Variants in TEAD1 observed in about 807,000 individuals in gnomAD.
TEAD1 encodes the protein TEA domain transcription factor 1, also known as transcriptional enhancer factor TEF-1.
A neutral mutation model predicts 54.9 loss-of-function variants in TEAD1; 9 were observed. That is an observed-to-expected ratio of 0.16 (90% CI 0.10 to 0.29). The LOEUF (loss-of-function observed/expected upper bound fraction) is 0.29. Among genes scored for constraint, TEAD1 ranks in the 10% least tolerant of loss-of-function variants. TEAD1 has a pLI of 1.00. For missense variants in TEAD1, 387 were observed against 535.9 expected, an observed-to-expected ratio of 0.72 and a Z score of 2.74; for synonymous variants, 200 against 187.8, an observed-to-expected ratio of 1.07 and a Z score of -0.53.
intron 2 of TEAD1, among the ~76,000 whole-genome samples, chr11:12,728,149 G>A (rs973577221): frequency 6.6e-6 from 1 of 152,144 alleles, no homozygotes; most frequent in Admixed American, 6.5e-5. Context: ...GACCTGAATA[G>A]TGTTCCTAAC....
intron 2 of TEAD1, among the ~76,000 whole-genome samples, chr11:12,739,234 A>G (rs962441425): frequency 2.6e-5 from 4 of 151,010 alleles, no homozygotes; most frequent in African/African-American, 4.9e-5. Flanking sequence ...CTATCTATCT[A>G]TCTATCTATC....
intron 2 of TEAD1, among the ~76,000 whole-genome samples, chr11:12,693,769 G>A (rs1046140060): frequency 1.3e-5 from 2 of 152,176 alleles, no homozygotes; most frequent in Non-Finnish European, 2.9e-5. Context: ...TGAATCTTAG[G>A]GTCAGAAACA....
intron 2 of TEAD1, among the ~76,000 whole-genome samples, chr11:12,684,472 CCTT>C (rs1482650330): frequency 6.6e-6 from 1 of 152,194 alleles, no homozygotes; most frequent in African/African-American, 2.4e-5. Flanking sequence ...GGGTCTTCGG[CCTT>C]CTTGTAAAAC....
chr11:12,938,565 A>G lies in TEAD1; in HGVS notation c.*1343A>G, dbSNP rs1949130663. 6.6e-6 allele frequency: 1 copy of G among 152,266 alleles called. No individual in the cohort carries two copies. Among genetic ancestry groups the G allele is most frequent in the South Asian group, 2.1e-4 (1 of 4,832 alleles). 9.4% of individuals were successfully genotyped at this position (152,266 alleles called of 1,614,324 possible). ...ACTTAGATACATCCTCTTGAAGCAC[A>G]TCCATTTCTTTAGCGTCTCTCAGTA... On this transcript the variant is annotated 3_prime_UTR_variant, in exon 13 of 13. Transcript: ENST00000527636.
rs1374976102 is a variant in TEAD1, at chr11:12,939,365, C to T, written c.*2143C>T. The T allele has an allele frequency of 6.6e-6, 1 of 152,290 alleles. No individual in the cohort carries two copies. Among genetic ancestry groups the T allele is most frequent in the Non-Finnish European group, 1.5e-5 (1 of 68,112 alleles). 9.4% of individuals were successfully genotyped at this position (152,290 alleles called of 1,614,324 possible). A position where few individuals can be genotyped will look rare whatever the true frequency, so the allele number is the denominator to read the frequency against. On this transcript the variant is annotated 3_prime_UTR_variant, in exon 13 of 13. Coordinates refer to ENST00000527636, the MANE Select transcript of TEAD1 (RefSeq NM_021961.6). ...TCCTTAAGGGAAGCCCCATCCTCTCCCAGGACCAGGAGTTTATGACCAGGC... is the reference window on the plus strand; with the variant it reads ...TCCTTAAGGGAAGCCCCATCCTCTCTCAGGACCAGGAGTTTATGACCAGGC...
At chr11:12,921,337 G>T (rs1367464216) in intron 10 of TEAD1, 1 of 152,126 alleles carries the variant, frequency 6.6e-6, no homozygotes, top group Admixed American at 6.5e-5. Flanking sequence ...GGGAGTTCGA[G>T]ACCAGCCTGA....
rs1217722701 is a variant in TEAD1, at chr11:12,940,245, C to T, written c.*3023C>T. The T allele has an allele frequency of 1.3e-5, 2 of 152,244 alleles. No homozygotes were observed. The highest frequency in any genetic ancestry group is 2.9e-5 in the Non-Finnish European group (2 of 68,098). The allele number at this position is 152,244 out of a possible 1,614,324, so 9.4% of individuals were successfully genotyped here. ...GACCAGGGTTTCTCAACCTTGACAC[C>T]ATTGACATTTTGGACTGGGTAATTC... On this transcript the variant is annotated 3_prime_UTR_variant, in exon 13 of 13. Coordinates refer to ENST00000527636, the MANE Select transcript of TEAD1 (RefSeq NM_021961.6).
At chr11:12,742,102 T>TAC (rs1030544237) in intron 2 of TEAD1, among the ~76,000 whole-genome samples, 19 of 152,352 alleles carry the variant, frequency 1.2e-4, no homozygotes, top group African/African-American at 4.6e-4. Flanking sequence ...CTGTCCCCTT[T>TAC]ACAGCATGAC....
At chr11:12,732,624 G>A (rs551360132) in intron 2 of TEAD1, among the ~76,000 whole-genome samples, 1 of 152,178 alleles carries the variant, frequency 6.6e-6, no homozygotes, top group African/African-American at 2.4e-5. Flanking sequence ...TTGACTGGAG[G>A]CTTGAGCTAA....
intron 5 of TEAD1, among the ~76,000 whole-genome samples, chr11:12,873,885 T>C (rs924234318): frequency 2.0e-5 from 3 of 152,244 alleles, no homozygotes; most frequent in Non-Finnish European, 2.9e-5. Flanking sequence ...GTGTTTTGTC[T>C]TTTTCTGAAA....
At chr11:12,916,021 C>G (rs556044775) in intron 10 of TEAD1, among the ~76,000 whole-genome samples, 110 of 152,202 alleles carry the variant, frequency 7.2e-4, no homozygotes, top group Non-Finnish European at 1.2e-3. Context: ...TTTTTGTTTT[C>G]TGTTGCTGTC....
At chr11:12,689,635 G>T (rs924395424) in intron 2 of TEAD1, among the ~76,000 whole-genome samples, 3 of 152,134 alleles carry the variant, frequency 2.0e-5, no homozygotes, top group Non-Finnish European at 4.4e-5. Flanking sequence ...TGTAGCATCT[G>T]TCTCTCTTTT....
chr11:12,795,007 G>A (rs576301938), intron 3 of TEAD1, among the ~76,000 whole-genome samples: 50 of 152,314 alleles, frequency 3.3e-4, no homozygotes, highest in African/African-American at 1.2e-3. Context: ...TCCTAGGGCT[G>A]CCATAACACA....
chr11:12,861,758 G>A (rs187641338), intron 3 of TEAD1, among the ~76,000 whole-genome samples: 4 of 152,264 alleles, frequency 2.6e-5, no homozygotes, highest in East Asian at 1.9e-4. Context: ...AGGCCAAGGC[G>A]GGTGGATCAC....
At chr11:12,783,521 G>T (rs1223022181) in intron 3 of TEAD1, among the ~76,000 whole-genome samples, 1 of 152,168 alleles carries the variant, frequency 6.6e-6, no homozygotes, top group Non-Finnish European at 1.5e-5. Context: ...GGATATACCT[G>T]TGGAGGGAAT....
chr11:12,857,613 T>TG (rs1554942771), intron 3 of TEAD1, among the ~76,000 whole-genome samples: 6 of 151,100 alleles, frequency 4.0e-5, no homozygotes, highest in South Asian at 2.1e-4. Flanking sequence ...TGTGTGTGTG[T>TG]TAGAAGATCA....
intron 3 of TEAD1, among the ~76,000 whole-genome samples, chr11:12,825,564 A>T (rs991248756): frequency 6.6e-6 from 1 of 152,218 alleles, no homozygotes. Flanking sequence ...GGAAGACTCA[A>T]TATTGTTAAA....
At chr11:12,760,312 G>T (rs1945074440) in intron 2 of TEAD1, among the ~76,000 whole-genome samples, 2 of 152,314 alleles carry the variant, frequency 1.3e-5, no homozygotes, top group East Asian at 3.9e-4. Context: ...TCTGTATTGG[G>T]ATGAAATTTA....
intron 3 of TEAD1, among the ~76,000 whole-genome samples, chr11:12,845,596 C>A (rs565435625): frequency 6.6e-6 from 1 of 152,316 alleles, no homozygotes; most frequent in East Asian, 1.9e-4. Flanking sequence ...GGGAACTGCA[C>A]AGCCAGTGGA....
Sources: allele counts gnomAD v4.1 joint callset (sites outside exome capture counted in the v4.1 genomes callset), GRCh38; gene constraint gnomAD v4.1.1; transcripts MANE v1.5; gene names NCBI Gene and HGNC (gene_info 2026-07-23, HGNC 2026-07-21).